The following UBE2D3 variants were observed in gnomAD, a reference collection of about 807,000 sequenced individuals.
UBE2D3 encodes ubiquitin conjugating enzyme E2 D3, also known as ubiquitin-conjugating enzyme E2 D3.
A neutral mutation model predicts 22.8 loss-of-function variants in UBE2D3; 2 were observed. The ratio of observed to expected loss-of-function variants is 0.09; its 90% CI spans 0.04 to 0.28. The LOEUF (loss-of-function observed/expected upper bound fraction) is 0.28, where lower values mean the gene tolerates loss of function less well. Among genes scored for constraint, UBE2D3 ranks in the 10% least tolerant of loss-of-function variants. The pLI, the probability that UBE2D3 is intolerant of heterozygous loss-of-function variation, is 1.00. For synonymous variants in UBE2D3, 56 were observed against 60.4 expected, an observed-to-expected ratio of 0.93 and a Z score of 0.34; for missense variants, 27 against 182.5, an observed-to-expected ratio of 0.15 and a Z score of 4.91.
At chr4:102,831,025 TTTTATA>T (rs1436450958), upstream of UBE2D3, among the ~76,000 whole-genome samples, 2 of 152,226 alleles carry the variant, frequency 1.3e-5, no homozygotes, top group African/African-American at 4.8e-5. Flanking sequence ...AATTAACAGA[TTTTATA>T]TATATGTACT....
upstream of UBE2D3, among the ~76,000 whole-genome samples, chr4:102,830,562 A>G (rs1731065541): frequency 6.6e-6 from 1 of 152,234 alleles, no homozygotes; most frequent in South Asian, 2.1e-4. Context: ...ATGAGAAAAT[A>G]GAAAGGATCA....
intron 1 of UBE2D3, among the ~76,000 whole-genome samples, chr4:102,865,552 AC>A (rs1437417642): frequency 3.9e-5 from 6 of 152,064 alleles, no homozygotes; most frequent in Admixed American, 3.9e-4. Flanking sequence ...AAGATAAGCA[AC>A]CAATGTAACC....
intron 2 of UBE2D3, among the ~76,000 whole-genome samples, chr4:102,820,414 T>C (rs1186498989): frequency 6.6e-6 from 1 of 152,214 alleles, no homozygotes; most frequent in Admixed American, 6.5e-5. Flanking sequence ...AAATTTCTTC[T>C]GAGAAATCCT....
chr4:102,856,113 C>G (rs561777626), intron 1 of UBE2D3, among the ~76,000 whole-genome samples: 2 of 152,348 alleles, frequency 1.3e-5, no homozygotes, highest in South Asian at 4.1e-4. Flanking sequence ...TGCCTGTACT[C>G]CCAGCATTGT....
chr4:102,827,879 A>C, upstream of UBE2D3: 1 of 985,556 alleles, frequency 1.0e-6, no homozygotes, highest in Non-Finnish European at 1.2e-6. Flanking sequence ...GAGGAAGGTA[A>C]AGGAAGCAGC....
intron 2 of UBE2D3, among the ~76,000 whole-genome samples, chr4:102,818,348 C>T (rs1461201547): frequency 1.3e-5 from 2 of 152,208 alleles, no homozygotes; most frequent in African/African-American, 4.8e-5. Flanking sequence ...GCTGCTTCTC[C>T]TCAAACTTTC....
chr4:102,852,064 T>C (rs543219682), intron 1 of UBE2D3, among the ~76,000 whole-genome samples: 23 of 151,632 alleles, frequency 1.5e-4, no homozygotes, highest in African/African-American at 5.6e-4. Context: ...TATTGGCCCA[T>C]GGGTCGTAAG....
At chr4:102,853,532 A>T (rs906798027) in intron 1 of UBE2D3, among the ~76,000 whole-genome samples, 8 of 152,306 alleles carry the variant, frequency 5.3e-5, no homozygotes, top group African/African-American at 1.9e-4. Flanking sequence ...GAGTTACATA[A>T]ATAATTCTAA....
At position 102,798,836 on chromosome 4, in the gene UBE2D3, C is replaced by T. The variant is rs1183105895; in HGVS notation, c.398+571G>A. 4 of 1,201,158 alleles carry T rather than the reference C, an allele frequency of 3.3e-6. No homozygotes were observed. In the South Asian group the frequency reaches 4.0e-5, roughly 12 times the overall value. 74.4% of individuals were successfully genotyped at this position (1,201,158 alleles called of 1,614,324 possible). On this transcript the variant is annotated intron_variant, in intron 7 of 7. Transcript: ENST00000453744. Reference sequence around the variant, plus strand: ...TTCAGAAGACTGCCATATTTGTTACCTTTTGTTAGTTAATACAGTGCCTTA... The same window carrying T: ...TTCAGAAGACTGCCATATTTGTTACTTTTTGTTAGTTAATACAGTGCCTTA...
At chr4:102,799,098 C>A in intron 7 of UBE2D3, 1 of 1,123,884 alleles carries the variant, frequency 8.9e-7, no homozygotes, top group South Asian at 1.5e-5. Context: ...ATAGTACTAA[C>A]ATTTTTGGAA....
intron 1 of UBE2D3, among the ~76,000 whole-genome samples, chr4:102,834,953 A>G (rs1488826989): frequency 1.3e-5 from 2 of 151,838 alleles, no homozygotes; most frequent in Admixed American, 1.3e-4. Flanking sequence ...TAATTTTTGA[A>G]CTTGCCCACA....
intron 1 of UBE2D3, among the ~76,000 whole-genome samples, chr4:102,857,773 A>T (rs1732696453): frequency 6.6e-6 from 1 of 152,120 alleles, no homozygotes. Context: ...AGCTTATTAC[A>T]ACCTCTGCCT....
intron 2 of UBE2D3, among the ~76,000 whole-genome samples, chr4:102,814,457 CTT>C (rs574701413): frequency 0.33 from 39,019 of 118,822 alleles, 4,445 homozygotes; most frequent in Admixed American, 0.39. Context: ...CCTGGCTATT[CTT>C]TTTTTTTTTT....
chr4:102,816,328 ATAAGAATGT>A (rs1363280227), intron 2 of UBE2D3, among the ~76,000 whole-genome samples: 13 of 152,230 alleles, frequency 8.5e-5, no homozygotes, highest in African/African-American at 3.1e-4. Context: ...ATCAAGAGCT[ATAAGAATGT>A]GACCCATAGC....
At chr4:102,840,446 TAAGTG>T (rs1457345876) in intron 1 of UBE2D3, among the ~76,000 whole-genome samples, 2 of 152,240 alleles carry the variant, frequency 1.3e-5, no homozygotes, top group Non-Finnish European at 2.9e-5. Context: ...ATTATTGTGT[TAAGTG>T]AAATAAGCCA....
chr4:102,818,161 T>C (rs1729046394), intron 2 of UBE2D3, among the ~76,000 whole-genome samples: 1 of 152,188 alleles, frequency 6.6e-6, no homozygotes. Flanking sequence ...ACTGACTTAC[T>C]TTAGGAATTG....
At chr4:102,815,063 G>C (rs529315675) in intron 2 of UBE2D3, among the ~76,000 whole-genome samples, 3 of 151,766 alleles carry the variant, frequency 2.0e-5, no homozygotes, top group Admixed American at 1.3e-4. Context: ...TTTTTTTGGA[G>C]ATGGAGTTTC....
chr4:102,853,195 T>G (rs1732459762), intron 1 of UBE2D3, among the ~76,000 whole-genome samples: 1 of 126,470 alleles, frequency 7.9e-6, no homozygotes, highest in South Asian at 2.6e-4. Context: ...CAGGCTGGAG[T>G]GCAGTGGCGG....
chr4:102,824,242 A>G (rs1389445672), intron 2 of UBE2D3, among the ~76,000 whole-genome samples: 1 of 152,220 alleles, frequency 6.6e-6, no homozygotes, highest in Non-Finnish European at 1.5e-5. Flanking sequence ...TTACAAAAGG[A>G]GACAACCTGG....
Sources: allele counts gnomAD v4.1 joint callset (sites outside exome capture counted in the v4.1 genomes callset), GRCh38; gene constraint gnomAD v4.1.1; transcripts MANE v1.5; gene names NCBI Gene and HGNC (gene_info 2026-07-23, HGNC 2026-07-21).